RIMBP2: variants seen among roughly 807,000 people sequenced by gnomAD.
RIMBP2 encodes RIMS-binding protein 2.
A neutral mutation model predicts 118.6 loss-of-function variants in RIMBP2; 48 were observed. The observed-to-expected ratio is 0.40, with a 90% CI of 0.32 to 0.51. The LOEUF (loss-of-function observed/expected upper bound fraction) is 0.51. Among genes scored for constraint, RIMBP2 ranks in the 20% least tolerant of loss-of-function variants. RIMBP2 has a pLI of 0.41. For missense variants in RIMBP2, 1,551 were observed against 1,768.3 expected (o/e 0.88, Z 2.20); for synonymous variants, 762 against 742.9 (o/e 1.03, Z -0.42).
At chr12:130,545,453 T>G (rs1424032994) in intron 2 of RIMBP2, among the ~76,000 whole-genome samples, 2 of 152,250 alleles carry the variant, frequency 1.3e-5, no homozygotes, top group African/African-American at 2.4e-5. Context: ...TAATTTATAT[T>G]GATTTCCTTT....
At chr12:130,669,759 G>A (rs1005023716) in intron 1 of RIMBP2, among the ~76,000 whole-genome samples, 4 of 152,124 alleles carry the variant, frequency 2.6e-5, no homozygotes, top group African/African-American at 9.7e-5. Context: ...CTTTCCTAGT[G>A]CCTGTGGTCA....
intron 5 of RIMBP2, among the ~76,000 whole-genome samples, chr12:130,477,232 T>C (rs973009414): frequency 6.6e-6 from 1 of 152,172 alleles, no homozygotes; most frequent in Non-Finnish European, 1.5e-5. Context: ...CAGAGTCAGT[T>C]CCAGGTCATT....
At position 130,442,412 on chromosome 12, in the gene RIMBP2, C is replaced by T. The variant is rs373700767; in HGVS notation, c.940G>A (p.Val314Met). Residue 314 changes from valine to methionine, a missense_variant, in exon 11 of 23, where the codon GTG becomes ATG. By Grantham distance (21) the Val-to-Met change is conservative (BLOSUM62 1). Transcript: ENST00000690449. This position sits in a 1 kb window ranked among gnomAD's most constrained non-coding sequence, Gnocchi z 6.9. ...VNIDDIGEDIVPYPRKITLIK... is the reference protein window; with the variant it reads ...VNIDDIGEDIMPYPRKITLIK... ...AGGGTGATTTTTCTAGGGTAAGGCA[C>T]GATGTCTTCTCCGATGTCGTCGATG... The T allele has an allele frequency of 4.6e-5, 74 of 1,613,982 alleles. No homozygotes were observed. The highest frequency in any genetic ancestry group is 5.3e-5 in the Non-Finnish European group (63 of 1,180,026).
At position 130,422,649 on chromosome 12, in the gene RIMBP2, C is replaced by A; in HGVS notation, c.3130-88G>T. 2 of 954,754 alleles carry A rather than the reference C, an allele frequency of 2.1e-6. No homozygotes were observed. The highest frequency in any genetic ancestry group is 3.0e-5 in the South Asian group (2 of 66,552). 59.1% of individuals were successfully genotyped at this position (954,754 alleles called of 1,614,324 possible). A position where few individuals can be genotyped will look rare whatever the true frequency, so the allele number is the denominator to read the frequency against. ...TAGCCAAATCAAGCGGGTTGAAAAG[C>A]AGAATCTGTAAAGGCAACTAAACTT... On this transcript the variant is annotated intron_variant, in intron 16 of 22. Transcript: ENST00000690449. This position sits in a 1 kb window ranked among gnomAD's most constrained non-coding sequence, Gnocchi z 5.2.
Position 130,689,576 on chromosome 12 carries a change from A to G in RIMBP2, c.-352+26646T>C, listed in dbSNP as rs184105860. Among the ~76,000 whole-genome samples the G allele has an allele frequency of 7.9e-4, 120 of 152,300 alleles. No homozygotes were observed. The Middle Eastern group carries it at 0.01, about 13-fold the overall frequency. On this transcript the variant is annotated intron_variant, in intron 1 of 22. Coordinates refer to ENST00000690449, the MANE Select transcript of RIMBP2 (RefSeq NM_001393629.1). ...CTGGGCCCCAGGCTGTCTCCCGTGCAGTACGATTCTCCCCTGGACGTTAGA... is the reference window on the plus strand; with the variant it reads ...CTGGGCCCCAGGCTGTCTCCCGTGCGGTACGATTCTCCCCTGGACGTTAGA...
At position 130,581,364 on chromosome 12, in the gene RIMBP2, A is replaced by C. The variant is rs533493437; in HGVS notation, c.-217+46958T>G. 6.6e-6 allele frequency among the ~76,000 whole-genome samples: 1 copy of C among 152,184 alleles called. No homozygotes were observed. Among genetic ancestry groups the C allele is most frequent in the African/African-American group, 2.4e-5 (1 of 41,444 alleles). On this transcript the variant is annotated intron_variant, in intron 2 of 22. Transcript: ENST00000690449. The surrounding 1 kb of genome is among the most constrained non-coding windows in gnomAD (Gnocchi z 4.4). ...TGGTTTCCAACCTTACTCTCAGATC[A>C]CTGCTGTCTTAAGAGTTGATTTTAC...
chr12:130,660,217 T>C (rs1431444072), intron 1 of RIMBP2: 1 of 148,962 alleles, frequency 6.7e-6, no homozygotes, highest in African/African-American at 2.5e-5. Flanking sequence ...ACATTTCTGT[T>C]CAGTCAAGCC....
chr12:130,420,946 C>A lies in RIMBP2; in HGVS notation c.3238+1507G>T, dbSNP rs1369169660. 6.6e-6 allele frequency: 1 copy of A among 152,354 alleles called. No homozygotes were observed. Among genetic ancestry groups the A allele is most frequent in the Non-Finnish European group, 1.5e-5 (1 of 68,066 alleles). 9.4% of individuals were successfully genotyped at this position (152,354 alleles called of 1,614,324 possible). A position where few individuals can be genotyped will look rare whatever the true frequency, so the allele number is the denominator to read the frequency against. On this transcript the variant is annotated intron_variant, in intron 17 of 22. Coordinates refer to ENST00000690449, the MANE Select transcript of RIMBP2 (RefSeq NM_001393629.1). The surrounding 1 kb of genome is among the most constrained non-coding windows in gnomAD (Gnocchi z 4.3). ...TACAGCATTAACTTCTCAGCGGCTA[C>A]ACCATCCCCAGGTCACTTCCTGAGC...
rs1213197342 is a variant in RIMBP2, at chr12:130,420,059, T to C, written c.3238+2394A>G. On this transcript the variant is annotated intron_variant, in intron 17 of 22. Coordinates refer to ENST00000690449, the MANE Select transcript of RIMBP2 (RefSeq NM_001393629.1). The surrounding 1 kb of genome is among the most constrained non-coding windows in gnomAD (Gnocchi z 4.3). The stretch of plus-strand genomic sequence containing the variant: ...GATAAGTAATCCTTTGAAATATAGA[T>C]TTCTAAAATATTGTTTTCTAGTATT... Among the ~76,000 whole-genome samples the C allele has an allele frequency of 6.6e-6, 1 of 152,188 alleles. No homozygotes were observed. Among genetic ancestry groups the C allele is most frequent in the Non-Finnish European group, 1.5e-5 (1 of 68,036 alleles).
intron 22 of RIMBP2, chr12:130,399,092 G>A (rs200045262): frequency 2.0e-5 from 26 of 1,317,452 alleles, no homozygotes; most frequent in South Asian, 9.5e-5. Context: ...TATCTTTATC[G>A]GTATCTTCAG....
At chr12:130,600,883 C>G (rs895160095) in intron 2 of RIMBP2, among the ~76,000 whole-genome samples, 2 of 152,214 alleles carry the variant, frequency 1.3e-5, no homozygotes, top group Non-Finnish European at 2.9e-5. Context: ...GCTTCTTCCC[C>G]TTCAAGTCTA....
chr12:130,614,931 A>G (rs1420783706), intron 2 of RIMBP2, among the ~76,000 whole-genome samples: 1 of 149,310 alleles, frequency 6.7e-6, no homozygotes, highest in Non-Finnish European at 1.5e-5. Flanking sequence ...AACTATATAC[A>G]TATTTTTGAT....
At chr12:130,679,311 C>T (rs2064656397) in intron 1 of RIMBP2, among the ~76,000 whole-genome samples, 1 of 152,174 alleles carries the variant, frequency 6.6e-6, no homozygotes, top group South Asian at 2.1e-4. Flanking sequence ...CTGGCATAAC[C>T]AAAAGTCACT....
intron 1 of RIMBP2, among the ~76,000 whole-genome samples, chr12:130,650,430 G>A (rs1450312506): frequency 6.6e-6 from 1 of 152,248 alleles, no homozygotes; most frequent in Non-Finnish European, 1.5e-5. Flanking sequence ...CTACCACTTT[G>A]CTAAATGCAA....
At chr12:130,528,563 C>T (rs2053050314) in intron 2 of RIMBP2, among the ~76,000 whole-genome samples, 1 of 152,132 alleles carries the variant, frequency 6.6e-6, no homozygotes, top group African/African-American at 2.4e-5. Flanking sequence ...ACATGTTTAC[C>T]TATGTAACAA....
At position 130,542,242 on chromosome 12, in the gene RIMBP2, G is replaced by A. The variant is rs564100534; in HGVS notation, c.-216-24325C>T. 2.0e-5 allele frequency among the ~76,000 whole-genome samples: 3 copies of A among 148,230 alleles called. No homozygotes were observed. In the East Asian group the frequency reaches 7.2e-4, roughly 36 times the overall value. ...GGCAGAGGGGCTGGGGCATGCAAAG[G>A]CCCCAAGGAAAGCAAGTGCTTGGGG... On this transcript the variant is annotated intron_variant, in intron 2 of 22. Transcript: ENST00000690449.
rs1044528179 is a variant in RIMBP2, at chr12:130,469,914, T to A, written c.153+779A>T. Among the ~76,000 whole-genome samples, 2 of 152,152 alleles carry A rather than the reference T, an allele frequency of 1.3e-5. No homozygotes were observed. Among genetic ancestry groups the A allele is most frequent in the Non-Finnish European group, 2.9e-5 (2 of 68,026 alleles). On this transcript the variant is annotated intron_variant, in intron 6 of 22. Coordinates refer to ENST00000690449, the MANE Select transcript of RIMBP2 (RefSeq NM_001393629.1). This position sits in a 1 kb window ranked among gnomAD's most constrained non-coding sequence, Gnocchi z 4.8. ...TCGGCAGGTGGGGGCCCCAGCTCAC[T>A]GTAGCCCAGCCACTGTGCATGATGG...
chr12:130,627,199 T>C (rs1383418702), intron 2 of RIMBP2, among the ~76,000 whole-genome samples: 1 of 152,208 alleles, frequency 6.6e-6, no homozygotes, highest in Non-Finnish European at 1.5e-5. Context: ...TACTGGAATC[T>C]GAGACTCAGA....
chr12:130,635,049 C>T (rs1403891823), intron 1 of RIMBP2, among the ~76,000 whole-genome samples: 1 of 152,210 alleles, frequency 6.6e-6, no homozygotes, highest in African/African-American at 2.4e-5. Context: ...AGCCCAGCTC[C>T]CCCTGCCCCA....
Sources: gnomAD v4.1 joint callset for allele counts (sites outside exome capture counted in the v4.1 genomes callset) on GRCh38, gnomAD v4.1.1 for gene constraint, Gnocchi (gnomAD v3.1) non-coding constraint, MANE v1.5 for transcripts, NCBI Gene and HGNC (gene_info 2026-07-23, HGNC 2026-07-21) for gene names.